Variants in DNAAF9 observed in about 807,000 individuals in gnomAD.
DNAAF9 encodes shulin.
In DNAAF9, 90 loss-of-function variants were observed where a neutral mutation model predicts 167.0. The observed-to-expected ratio is 0.54, with a 90% confidence interval of 0.45 to 0.64. The LOEUF (loss-of-function observed/expected upper bound fraction) is 0.64. Among genes scored for constraint, DNAAF9 ranks in the 30% least tolerant of loss-of-function variants. DNAAF9 has a pLI of 0.00. For missense variants in DNAAF9, 1,315 were observed against 1,442.2 expected (o/e 0.91, Z 1.43); for synonymous variants, 491 against 508.8 (o/e 0.96, Z 0.47).
At position 3,249,377 on chromosome 20, in the gene DNAAF9, C is replaced by A. The variant is rs1203895730; in HGVS notation, c.*3195G>T. 6.6e-6 allele frequency: 1 copy of A among 152,206 alleles called. No homozygotes were observed. Among genetic ancestry groups the A allele is most frequent in the Non-Finnish European group, 1.5e-5 (1 of 68,042 alleles). The allele number at this position is 152,206 out of a possible 1,614,324, so 9.4% of individuals were successfully genotyped here. A position where few individuals can be genotyped will look rare whatever the true frequency, so the allele number is the denominator to read the frequency against. On this transcript the variant is annotated 3_prime_UTR_variant, in exon 37 of 37. Coordinates refer to ENST00000252032, the MANE Select transcript of DNAAF9 (RefSeq NM_001009984.3). ...CAAGGTAAATTCACATACACAACTG[C>A]AGGTAAAAACATGTAAAATAATATA...
At chr20:3,271,934 G>A (rs1425994039) in intron 29 of DNAAF9, among the ~76,000 whole-genome samples, 4 of 151,838 alleles carry the variant, frequency 2.6e-5, no homozygotes, top group Non-Finnish European at 4.4e-5. Flanking sequence ...TCTTAATATC[G>A]TAGAAAATTT....
intron 21 of DNAAF9, among the ~76,000 whole-genome samples, chr20:3,300,282 T>C (rs893187292): frequency 2.1e-5 from 3 of 139,994 alleles, no homozygotes; most frequent in South Asian, 4.6e-4. Context: ...TTGGGCAGTA[T>C]TGTCTTAATA....
At chr20:3,353,636 A>ACC (rs73613621) in intron 7 of DNAAF9, among the ~76,000 whole-genome samples, 4 of 64,586 alleles carry the variant, frequency 6.2e-5, no homozygotes, top group East Asian at 1.0e-3. Flanking sequence ...CCCCCGCACC[A>ACC]CCCCCCCCCC....
At chr20:3,366,326 T>C (rs2083432890) in intron 6 of DNAAF9, among the ~76,000 whole-genome samples, 1 of 152,228 alleles carries the variant, frequency 6.6e-6, no homozygotes, top group African/African-American at 2.4e-5. Context: ...TAGAGCTCTT[T>C]GCTGTCTAGC....
At chr20:3,344,484 A>G (rs968430567) in intron 8 of DNAAF9, among the ~76,000 whole-genome samples, 7 of 152,154 alleles carry the variant, frequency 4.6e-5, no homozygotes, top group Admixed American at 4.6e-4. Flanking sequence ...TCTATGGTAC[A>G]TCATAGATAA....
intron 3 of DNAAF9, among the ~76,000 whole-genome samples, chr20:3,378,137 A>T (rs186523945): frequency 1.3e-3 from 201 of 152,298 alleles, no homozygotes; most frequent in African/African-American, 4.4e-3. Flanking sequence ...GACATAGCTG[A>T]GTACTTCACT....
At chr20:3,399,511 TTTTC>T (rs1252317355) in intron 1 of DNAAF9, among the ~76,000 whole-genome samples, 1 of 152,086 alleles carries the variant, frequency 6.6e-6, no homozygotes, top group African/African-American at 2.4e-5. Context: ...CCCGGCCTCC[TTTTC>T]TTTCTTAGTA....
At chr20:3,385,240 A>T (rs2083717186) in intron 1 of DNAAF9, among the ~76,000 whole-genome samples, 1 of 152,036 alleles carries the variant, frequency 6.6e-6, no homozygotes, top group Non-Finnish European at 1.5e-5. Context: ...AATAAAAGGA[A>T]GTAAAAGACA....
Position 3,322,219 on chromosome 20 carries a change from T to C in DNAAF9, c.1354A>G (p.Thr452Ala). The C allele has an allele frequency of 6.2e-7, 1 of 1,608,528 alleles. No homozygotes were observed. Among genetic ancestry groups the C allele is most frequent in the Admixed American group, 1.7e-5 (1 of 59,634 alleles). ...TGACCCATGATAGCTCTGCTTACCGTCTTCACAAAGGATAAGCTATCTTCA... is the reference window on the plus strand; with the variant it reads ...TGACCCATGATAGCTCTGCTTACCGCCTTCACAAAGGATAAGCTATCTTCA... ...DSEDSLSFVK[T>A]ACMAVYDIPD... Residue 452 changes from threonine (T) to alanine (A), a missense_variant and splice_region_variant, in exon 16 of 37, where the codon ACG (threonine) becomes GCG (alanine). This residue lies in a region of DNAAF9 where 981 missense variants were observed against 1,012.5 expected (regional missense o/e 0.97). Transcript: ENST00000252032.
At chr20:3,361,842 TG>T (rs1455033204) in intron 6 of DNAAF9, 3 of 1,441,216 alleles carry the variant, frequency 2.1e-6, no homozygotes, top group Non-Finnish European at 1.9e-6. Context: ...AATCGAATGT[TG>T]GGGGGAAGGG....
intron 27 of DNAAF9, 152 bp downstream of exon 27, chr20:3,287,480 G>T: frequency 1.3e-6 from 1 of 744,118 alleles, no homozygotes; most frequent in Non-Finnish European, 2.3e-6. Flanking sequence ...ATGGCAATAG[G>T]GTCATTGCTC....
intron 21 of DNAAF9, among the ~76,000 whole-genome samples, chr20:3,300,923 A>C (rs986787143): frequency 6.6e-6 from 1 of 151,318 alleles, no homozygotes; most frequent in Admixed American, 6.6e-5. Context: ...AAAAAAAATT[A>C]TAAAAATACA....
intron 1 of DNAAF9, among the ~76,000 whole-genome samples, chr20:3,385,047 C>G (rs1470156405): frequency 6.6e-6 from 1 of 151,844 alleles, no homozygotes; most frequent in East Asian, 1.9e-4. Context: ...ACTCAGAAAA[C>G]TAGAAATAGT....
chr20:3,303,106 G>A (rs1286883938), intron 21 of DNAAF9, among the ~76,000 whole-genome samples: 1 of 152,058 alleles, frequency 6.6e-6, no homozygotes, highest in Non-Finnish European at 1.5e-5. Flanking sequence ...GCCGGGCGTG[G>A]TGGCAGGCGC....
intron 10 of DNAAF9, among the ~76,000 whole-genome samples, chr20:3,337,289 A>T (rs2069977333): frequency 6.8e-6 from 1 of 146,292 alleles, no homozygotes; most frequent in Non-Finnish European, 1.5e-5. Flanking sequence ...TTTGAGACGG[A>T]GTCTTGCTCT....
intron 23 of DNAAF9, among the ~76,000 whole-genome samples, chr20:3,294,988 C>T (rs1341366042): frequency 1.3e-5 from 2 of 151,948 alleles, no homozygotes; most frequent in East Asian, 3.9e-4. Context: ...GCCTCAGCCT[C>T]CCAAGTAGCT....
intron 10 of DNAAF9, among the ~76,000 whole-genome samples, chr20:3,338,485 C>T (rs1353982958): frequency 6.6e-6 from 1 of 152,130 alleles, no homozygotes; most frequent in Non-Finnish European, 1.5e-5. Flanking sequence ...TTGGTGTTCT[C>T]TAAGCTTCCT....
chr20:3,317,643 C>G (rs1299196370), intron 17 of DNAAF9, among the ~76,000 whole-genome samples: 2 of 152,098 alleles, frequency 1.3e-5, no homozygotes, highest in Admixed American at 1.3e-4. Context: ...GTCACCCAGG[C>G]TGGAGTGCAG....
In DNAAF9 at chr20:3,336,252, G is replaced by GTTTTTT. The variant is rs1178750984; in HGVS notation, c.982-3892_982-3891insAAAAAA. Among the ~76,000 whole-genome samples, 33 of 81,408 alleles carry GTTTTTT rather than the reference G, an allele frequency of 4.1e-4. 3 individuals carry two copies. Among genetic ancestry groups the GTTTTTT allele is most frequent in the South Asian group, 1.4e-3 (3 of 2,196 alleles). 53.4% of individuals were successfully genotyped at this position (81,408 alleles called of 152,430 possible). On this transcript the variant is annotated intron_variant, in intron 10 of 36. Coordinates refer to ENST00000252032, the MANE Select transcript of DNAAF9 (RefSeq NM_001009984.3). ...TGATTTTGCAGATTCACAGTTTTGC[G>GTTTTTT]TTTTTGTTTTTTTTTTTTTTTTTGC...
Sources: gnomAD v4.1 joint callset for allele counts (sites outside exome capture counted in the v4.1 genomes callset) on GRCh38, gnomAD v4.1.1 for gene constraint, gnomAD v4.1.1 regional missense constraint, MANE v1.5 for transcripts, NCBI Gene and HGNC (gene_info 2026-07-23, HGNC 2026-07-21) for gene names.